ITPR3: variants seen among roughly 807,000 people sequenced by gnomAD.
ITPR3 encodes the protein inositol 1,4,5-trisphosphate receptor type 3.
In ITPR3, 173 loss-of-function variants were observed where a neutral mutation model predicts 293.2. The ratio of observed to expected loss-of-function variants is 0.59; its 90% CI spans 0.52 to 0.67. The LOEUF (loss-of-function observed/expected upper bound fraction) is 0.67. Among genes scored for constraint, ITPR3 ranks in the 30% least tolerant of loss-of-function variants. ITPR3 has a pLI of 0.00. For synonymous variants in ITPR3, 1,295 were observed against 1,444.4 expected (o/e 0.90, Z 2.35); for missense variants, 2,796 against 3,592.1 (o/e 0.78, Z 5.66).
chr6:33,668,672 G>A (rs768531068), intron 17 of ITPR3, 38 bp downstream of exon 17: 10 of 1,613,244 alleles, frequency 6.2e-6, no homozygotes, highest in Middle Eastern at 1.6e-4. Context: ...TGGGCTCCAC[G>A]CTGCTGACCC....
intron 17 of ITPR3, 33 bp downstream of exon 17, chr6:33,668,667 T>C (rs1420813347): frequency 1.2e-6 from 2 of 1,613,740 alleles, no homozygotes; most frequent in African/African-American, 1.3e-5. Context: ...GCACTTGGGC[T>C]CCACGCTGCT....
chr6:33,632,935 G>A lies in ITPR3; in HGVS notation c.90-7549G>A, dbSNP rs551011596. On this transcript the variant is annotated intron_variant, in intron 1 of 57. Coordinates refer to ENST00000605930, the MANE Select transcript of ITPR3 (RefSeq NM_002224.4). The surrounding 1 kb of genome is among the most constrained non-coding windows in gnomAD (Gnocchi z 4.1). Reference sequence around the variant, plus strand: ...GGTGAGGTCTGTCGAGTAGATGGAGGCCTGGGTTGTGTCTGTGCCATTCTC... The same window carrying A: ...GGTGAGGTCTGTCGAGTAGATGGAGACCTGGGTTGTGTCTGTGCCATTCTC... 1.3e-5 allele frequency among the ~76,000 whole-genome samples: 2 copies of A among 152,348 alleles called. No homozygotes were observed. The highest frequency in any genetic ancestry group is 4.8e-5 in the African/African-American group (2 of 41,580).
intron 1 of ITPR3, among the ~76,000 whole-genome samples, chr6:33,630,503 C>T (rs12200154): frequency 0.13 from 19,727 of 152,208 alleles, 1,771 homozygotes; most frequent in Middle Eastern, 0.22. Flanking sequence ...CACCTTTTCT[C>T]CCTCTCTTCC....
chr6:33,685,980 G>A (rs1757297330), intron 41 of ITPR3, 73 bp from the exon 42 acceptor site: 1 of 1,566,644 alleles, frequency 6.4e-7, no homozygotes. Flanking sequence ...CAGCACACAA[G>A]ATCGTGCTTC....
Position 33,669,368 on chromosome 6 carries a change from G to A in ITPR3, c.2189+212G>A, listed in dbSNP as rs1472151503. Among the ~76,000 whole-genome samples the A allele has an allele frequency of 3.3e-5, 5 of 152,234 alleles. 1 individual carries two copies. In the East Asian group the frequency reaches 7.7e-4, roughly 23 times the overall value. The stretch of plus-strand genomic sequence containing the variant: ...GACTGTGTGCCCCGAATAGCACTGG[G>A]TGGCTCGGCACAGGAACCAGGCTTC... On this transcript the variant is annotated intron_variant, in intron 18 of 57. Transcript: ENST00000605930.
Position 33,691,684 on chromosome 6 carries a change from G to T in ITPR3, c.7295G>T (p.Cys2432Phe). The T allele has an allele frequency of 6.2e-7, 1 of 1,614,096 alleles. No homozygotes were observed. Among genetic ancestry groups the T allele is most frequent in the Non-Finnish European group, 8.5e-7 (1 of 1,179,978 alleles). ...VDTCSGDKMD[C>F]VSGLSVPEVL... Reference sequence around the variant, plus strand: ...ACCTGCAGTGGGGACAAGATGGACTGTGTCTCAGGGCTCTCGGTGCCTGAG... The same window carrying T: ...ACCTGCAGTGGGGACAAGATGGACTTTGTCTCAGGGCTCTCGGTGCCTGAG... The change falls in exon 53 of 58, where the codon TGT (cysteine) becomes TTT (phenylalanine). Residue 2432 changes from cysteine (C) to phenylalanine (F), a missense_variant. Cys to Phe is a radical substitution (Grantham distance 205). Transcript: ENST00000605930. This position sits in a 1 kb window ranked among gnomAD's most constrained non-coding sequence, Gnocchi z 4.9.
Position 33,646,510 on chromosome 6 carries a change from T to G in ITPR3, c.160+5956T>G, listed in dbSNP as rs145438400. On this transcript the variant is annotated intron_variant, in intron 2 of 57. Coordinates refer to ENST00000605930, the MANE Select transcript of ITPR3 (RefSeq NM_002224.4). ...GAAAGATAGCATTCTATATACACTATTCTGTTTTTTTGCTGGTTTCGCTTT... is the reference window on the plus strand; with the variant it reads ...GAAAGATAGCATTCTATATACACTAGTCTGTTTTTTTGCTGGTTTCGCTTT... Among the ~76,000 whole-genome samples the G allele has an allele frequency of 3.6e-3, 541 of 152,202 alleles. 5 individuals carry two copies. The highest frequency in any genetic ancestry group is 0.012 in the African/African-American group (506 of 41,550).
At chr6:33,690,802 G>A (rs1765367255) in intron 51 of ITPR3, 115 bp from the exon 52 acceptor site, 2 of 939,614 alleles carry the variant, frequency 2.1e-6, no homozygotes, top group South Asian at 3.1e-5. Context: ...CCCTGGAGGA[G>A]CCTTGGGAAA....
chr6:33,630,665 G>C (rs1763654832), intron 1 of ITPR3, among the ~76,000 whole-genome samples: 1 of 152,192 alleles, frequency 6.6e-6, no homozygotes, highest in South Asian at 2.1e-4. Flanking sequence ...CTGTGGCAGA[G>C]GCAGGGTGGC....
In ITPR3 at chr6:33,692,962, A is replaced by AGCG. The variant is rs1043581472; in HGVS notation, c.7624+71_7624+73dup. 1 of 1,553,250 alleles carries AGCG rather than the reference A, an allele frequency of 6.4e-7. No individual in the cohort carries two copies. Among genetic ancestry groups the AGCG allele is most frequent in the Non-Finnish European group, 8.8e-7 (1 of 1,136,784 alleles). ...AACGTCATCTGATGCCAGTGGCAGTAGCGGTTTGGCCCTTCCTGCCCTGGG... is the reference window on the plus strand; with the variant it reads ...AACGTCATCTGATGCCAGTGGCAGTAGCGGCGGTTTGGCCCTTCCTGCCCTGGG... On this transcript the variant is annotated intron_variant, in intron 55 of 57. Transcript: ENST00000605930. This position sits in a 1 kb window ranked among gnomAD's most constrained non-coding sequence, Gnocchi z 4.2.
intron 43 of ITPR3, 138 bp from the exon 44 acceptor site, chr6:33,686,871 G>A (rs1355127044): frequency 4.2e-6 from 3 of 713,338 alleles, no homozygotes; most frequent in Non-Finnish European, 7.3e-6. Flanking sequence ...ATTAAGCCGG[G>A]GGGAGGGAGG....
rs1765113525 is a variant in ITPR3 at position 33,682,795 on chromosome 6, C to T, written c.4597+151C>T. The T allele has an allele frequency of 1.4e-5, 15 of 1,038,300 alleles. No homozygotes were observed. The Admixed American group carries it at 3.0e-4, about 21-fold the overall frequency. The allele number at this position is 1,038,300 out of a possible 1,614,324, so 64.3% of individuals were successfully genotyped here. A position where few individuals can be genotyped will look rare whatever the true frequency, so the allele number is the denominator to read the frequency against. On this transcript the variant is annotated intron_variant, in intron 34 of 57. Coordinates refer to ENST00000605930, the MANE Select transcript of ITPR3 (RefSeq NM_002224.4). This position sits in a 1 kb window ranked among gnomAD's most constrained non-coding sequence, Gnocchi z 5.4. Reference sequence around the variant, plus strand: ...AGTAAGTTCTTCTTGGCGTCTGCCTCATCCTGGCAATTGAGAGAAGCTGTT... The same window carrying T: ...AGTAAGTTCTTCTTGGCGTCTGCCTTATCCTGGCAATTGAGAGAAGCTGTT...
chr6:33,669,171 C>G lies in ITPR3; in HGVS notation c.2189+15C>G, dbSNP rs1403356281. ...AGCTACTACAGGTGCCCCGCCCCAGCTCCTCCCCTCCCTCTTCCTGTGCCT... is the reference window on the plus strand; with the variant it reads ...AGCTACTACAGGTGCCCCGCCCCAGGTCCTCCCCTCCCTCTTCCTGTGCCT... On this transcript the variant is annotated intron_variant, in intron 18 of 57. Coordinates refer to ENST00000605930, the MANE Select transcript of ITPR3 (RefSeq NM_002224.4). 2 of 1,609,134 alleles carry G rather than the reference C, an allele frequency of 1.2e-6. No homozygotes were observed. The highest frequency in any genetic ancestry group is 1.7e-6 in the Non-Finnish European group (2 of 1,177,746).
At position 33,689,780 on chromosome 6, in the gene ITPR3, A is replaced by G. The variant is rs547825623; in HGVS notation, c.6868-254A>G. 2.0e-5 allele frequency among the ~76,000 whole-genome samples: 3 copies of G among 152,264 alleles called. No individual in the cohort carries two copies. The South Asian group carries it at 6.2e-4, about 32-fold the overall frequency. ...AAATAAAGTGCTTTGAGCGAGGAAT[A>G]CCTTTCCCTGATAGAGCCAGTCAGT... On this transcript the variant is annotated intron_variant, in intron 50 of 57. Coordinates refer to ENST00000605930, the MANE Select transcript of ITPR3 (RefSeq NM_002224.4).
In ITPR3 at chr6:33,680,699, A is replaced by C. The variant is rs9469555; in HGVS notation, c.4476+19A>C. ...CCTGCAGGTGAGCTTCTCCTCTCCC[A>C]CCACCCCAGGGCCGACTTGCCTAGC... On this transcript the variant is annotated intron_variant, in intron 33 of 57. Coordinates refer to ENST00000605930, the MANE Select transcript of ITPR3 (RefSeq NM_002224.4). The C allele has an allele frequency of 5.6e-3, 9,064 of 1,605,374 alleles. 190 individuals carry two copies. In the African/African-American group the frequency reaches 0.063, roughly 11 times the overall value.
Position 33,682,079 on chromosome 6 carries a change from A to G in ITPR3, c.4477-445A>G, listed in dbSNP as rs796631971. ...GTATTTTTAGTAGAGACAGGGTTTC[A>G]CCATGTTGGCCAGGCTGGTCTCGAA... is the stretch of plus-strand genomic sequence containing the variant. On this transcript the variant is annotated intron_variant, in intron 33 of 57. Transcript: ENST00000605930. This position sits in a 1 kb window ranked among gnomAD's most constrained non-coding sequence, Gnocchi z 5.4. 1.3e-4 allele frequency among the ~76,000 whole-genome samples: 20 copies of G among 152,204 alleles called. No homozygotes were observed. The highest frequency in any genetic ancestry group is 4.8e-4 in the African/African-American group (20 of 41,534).
chr6:33,691,728 G>GGT lies in ITPR3; in HGVS notation c.7330+17_7330+18dup. 1 of 1,613,950 alleles carries GGT rather than the reference G, an allele frequency of 6.2e-7. No individual in the cohort carries two copies. Among genetic ancestry groups the GGT allele is most frequent in the Non-Finnish European group, 8.5e-7 (1 of 1,179,894 alleles). ...GCCTGAGGTCCTGGAAGGTGAGGGT[G>GGT]GTGTGTGTGCAGGAGTCTGTGTGGG... On this transcript the variant is annotated intron_variant, in intron 53 of 57. Transcript: ENST00000605930. The surrounding 1 kb of genome is among the most constrained non-coding windows in gnomAD (Gnocchi z 4.9).
chr6:33,687,069 G>A lies in ITPR3; in HGVS notation c.6040G>A (p.Glu2014Lys). Residue 2014 changes from glutamate (E) to lysine (K), a missense_variant, in exon 44 of 58, where the codon GAG becomes AAG. Around this residue, in one of 8 missense-constraint regions of ITPR3, gnomAD observed 704 missense variants for 797.5 expected, o/e 0.88. Coordinates refer to ENST00000605930, the MANE Select transcript of ITPR3 (RefSeq NM_002224.4). The surrounding 1 kb of genome is among the most constrained non-coding windows in gnomAD (Gnocchi z 5.3). Reference sequence around the variant, plus strand: ...GAGCCGGCATGACAGTGAAAATGCTGAGCGAATCCTCATCAGCCTGCGGCC... The same window carrying A: ...GAGCCGGCATGACAGTGAAAATGCTAAGCGAATCCTCATCAGCCTGCGGCC... The part of the protein sequence containing the change: ...MESRHDSENA[E>K]RILISLRPQE... 6.2e-7 allele frequency: 1 copy of A among 1,614,046 alleles called. No homozygotes were observed. The highest frequency in any genetic ancestry group is 8.5e-7 in the Non-Finnish European group (1 of 1,180,004).
Position 33,659,135 on chromosome 6 carries a change from G to A in ITPR3, c.627+16G>A, listed in dbSNP as rs113742628. On this transcript the variant is annotated intron_variant, in intron 6 of 57. Transcript: ENST00000605930. The stretch of plus-strand genomic sequence containing the variant: ...CTGCAAGGAGGTGAGGGGGTGGGGG[G>A]TCAGCCATGCAGTGCAGGGACGTCC... 6.2e-3 allele frequency: 9,958 copies of A among 1,610,718 alleles called. 389 individuals are homozygous for A. The African/African-American group carries it at 0.099, about 16-fold the overall frequency.
Sources: gnomAD v4.1 joint callset for allele counts (sites outside exome capture counted in the v4.1 genomes callset) on GRCh38, gnomAD v4.1.1 for gene constraint, gnomAD v4.1.1 regional missense constraint, Gnocchi (gnomAD v3.1) non-coding constraint, MANE v1.5 for transcripts, NCBI Gene and HGNC (gene_info 2026-07-23, HGNC 2026-07-21) for gene names.